Variants in CFAP221 observed in about 807,000 individuals in gnomAD.
The protein encoded by CFAP221 is cilia and flagella associated protein 221.
A neutral mutation model predicts 113.1 loss-of-function variants in CFAP221; 97 were observed. The observed-to-expected ratio is 0.86, with a 90% confidence interval of 0.73 to 1.02. CFAP221 has a LOEUF of 1.02. CFAP221 is among the 50% of genes least tolerant of loss of function. CFAP221 has a pLI of 0.00. For synonymous variants in CFAP221, 331 were observed against 354.4 expected, an observed-to-expected ratio of 0.93 and a Z score of 0.74; for missense variants, 1,025 against 1,013.4, an observed-to-expected ratio of 1.01 and a Z score of -0.16.
chr2:119,587,080 A>C (rs1683273222), intron 6 of CFAP221, 39 bp from the exon 7 acceptor site: 1 of 1,417,778 alleles, frequency 7.1e-7, no homozygotes, highest in Non-Finnish European at 9.4e-7. Context: ...GTTATAAAGA[A>C]AAATAATATT....
chr2:119,607,261 G>A (rs1684839015), intron 11 of CFAP221, among the ~76,000 whole-genome samples: 1 of 152,126 alleles, frequency 6.6e-6, no homozygotes, highest in African/African-American at 2.4e-5. Context: ...CAAAGTGCTG[G>A]GATTACAAGT....
In CFAP221 at chr2:119,646,990, T is replaced by C. The variant is rs367884442; in HGVS notation, c.2258T>C (p.Ile753Thr). The C allele has an allele frequency of 1.1e-4, 173 of 1,614,014 alleles. No individual in the cohort carries two copies. The highest frequency in any genetic ancestry group is 1.4e-4 in the Non-Finnish European group (163 of 1,179,932). ...CDSFNSFMLP[I>T]DVPAILDALP... ...TCCTTCAATTCATTTATGCTTCCGA[T>C]AGACGTCCCTGCCATCCTTGATGCC... Residue 753 changes from isoleucine (I) to threonine (T), a missense_variant, in exon 22 of 24, where the codon ATA (isoleucine) becomes ACA (threonine). Coordinates refer to ENST00000413369, the MANE Select transcript of CFAP221 (RefSeq NM_001271049.2).
intron 21 of CFAP221, among the ~76,000 whole-genome samples, chr2:119,646,526 A>G (rs1687818616): frequency 1.3e-5 from 2 of 152,134 alleles, no homozygotes; most frequent in Non-Finnish European, 2.9e-5. Context: ...CACCAAGGAG[A>G]TGGTGCTAAC....
At chr2:119,654,818 A>T (rs1688338603) in intron 23 of CFAP221, among the ~76,000 whole-genome samples, 2 of 152,202 alleles carry the variant, frequency 1.3e-5, no homozygotes, top group Admixed American at 1.3e-4. Flanking sequence ...TGTGAACGAA[A>T]ATTGTCAACA....
chr2:119,574,954 C>A (rs1274512175), intron 6 of CFAP221, among the ~76,000 whole-genome samples: 1 of 152,158 alleles, frequency 6.6e-6, no homozygotes, highest in African/African-American at 2.4e-5. Context: ...ATTTCTTACT[C>A]CAGCACCAAG....
Position 119,549,087 on chromosome 2 carries a change from G to A in CFAP221, c.142G>A (p.Val48Ile), listed in dbSNP as rs1026288603. Reference protein sequence around the residue: ...EVPNHLLESKVYAKLVNNKVI... With the variant: ...EVPNHLLESKIYAKLVNNKVI... ...GCTTATCTACATTGTTTTTATAGAG[G>A]TTTATGCAAAACTTGTGAATAATAA... is the stretch of plus-strand genomic sequence containing the variant. The change falls in exon 3 of 24, where the codon GTT (valine) becomes ATT (isoleucine). Residue 48 changes from valine (V) to isoleucine (I), a missense_variant and splice_region_variant. Coordinates refer to ENST00000413369, the MANE Select transcript of CFAP221 (RefSeq NM_001271049.2). 2.6e-6 allele frequency: 4 copies of A among 1,523,488 alleles called. No individual in the cohort carries two copies. Among genetic ancestry groups the A allele is most frequent in the Admixed American group, 2.1e-5 (1 of 48,404 alleles). The allele number at this position is 1,523,488 out of a possible 1,614,324, so 94.4% of individuals were successfully genotyped here.
intron 6 of CFAP221, chr2:119,572,903 G>A (rs1299584122): frequency 3.3e-5 from 10 of 304,974 alleles, no homozygotes; most frequent in African/African-American, 1.9e-4. Flanking sequence ...CCATTCCAAA[G>A]CCAGGATACT....
intron 6 of CFAP221, among the ~76,000 whole-genome samples, chr2:119,585,160 T>A (rs1683123141): frequency 6.6e-6 from 1 of 152,106 alleles, no homozygotes; most frequent in African/African-American, 2.4e-5. Context: ...AAAACATAGT[T>A]TGAGCAAAAA....
At chr2:119,648,882 C>T (rs544214035) in intron 22 of CFAP221, among the ~76,000 whole-genome samples, 4 of 152,288 alleles carry the variant, frequency 2.6e-5, no homozygotes, top group East Asian at 1.9e-4. Context: ...GTTAGACTGG[C>T]GTGAAGTACT....
At chr2:119,563,497 G>C (rs1681406629) in intron 6 of CFAP221, among the ~76,000 whole-genome samples, 1 of 152,092 alleles carries the variant, frequency 6.6e-6, no homozygotes, top group Admixed American at 6.5e-5. Context: ...ATACTGTCCT[G>C]AGTCCCCTAT....
intron 12 of CFAP221, among the ~76,000 whole-genome samples, chr2:119,608,966 G>A (rs1003288447): frequency 6.6e-6 from 1 of 152,218 alleles, no homozygotes; most frequent in African/African-American, 2.4e-5. Flanking sequence ...GAAGACAAAA[G>A]AGACCCAAAG....
At chr2:119,554,094 A>G (rs1295213559) in intron 3 of CFAP221, among the ~76,000 whole-genome samples, 7 of 152,256 alleles carry the variant, frequency 4.6e-5, no homozygotes, top group African/African-American at 1.7e-4. Context: ...TCCACGGCAA[A>G]GTGAAGCGGA....
At chr2:119,572,761 A>G in intron 6 of CFAP221, 1 of 547,980 alleles carries the variant, frequency 1.8e-6, no homozygotes, top group South Asian at 2.7e-5. Context: ...AAGATCTGGT[A>G]AAATGATGCC....
chr2:119,656,684 C>T (rs556089450), downstream of CFAP221: 20 of 369,914 alleles, frequency 5.4e-5, 1 homozygote, highest in South Asian at 4.0e-4. Context: ...CTTCTTGGTG[C>T]GGTGTTTAGT....
intron 7 of CFAP221, among the ~76,000 whole-genome samples, chr2:119,597,368 C>CT (rs1243351819): frequency 1.3e-5 from 2 of 152,186 alleles, no homozygotes; most frequent in Admixed American, 1.3e-4. Flanking sequence ...AGTGTTGCCA[C>CT]TGTGAGTGGG....
At chr2:119,555,140 A>C (rs1369922364) in intron 3 of CFAP221, among the ~76,000 whole-genome samples, 1 of 152,114 alleles carries the variant, frequency 6.6e-6, no homozygotes, top group Non-Finnish European at 1.5e-5. Context: ...ACTTATGACT[A>C]TTTTATGTGT....
At chr2:119,574,692 A>T (rs542405340) in intron 6 of CFAP221, among the ~76,000 whole-genome samples, 3 of 152,266 alleles carry the variant, frequency 2.0e-5, no homozygotes, top group African/African-American at 7.2e-5. Flanking sequence ...TAGTATCTGC[A>T]CACACATGCA....
At chr2:119,648,499 A>T in intron 22 of CFAP221, 1 of 285,812 alleles carries the variant, frequency 3.5e-6, no homozygotes. Context: ...TAGCACAAAG[A>T]AGGCCACCAG....
chr2:119,572,462 T>TA, intron 6 of CFAP221: 2 of 653,966 alleles, frequency 3.1e-6, no homozygotes, highest in Non-Finnish European at 5.6e-6. Flanking sequence ...GATATGCTTA[T>TA]ATTAGATACA....
Sources: allele counts gnomAD v4.1 joint callset (sites outside exome capture counted in the v4.1 genomes callset), GRCh38; gene constraint gnomAD v4.1.1; transcripts MANE v1.5; gene names NCBI Gene and HGNC (gene_info 2026-07-23, HGNC 2026-07-21).